The following MARCHF5 variants were observed in gnomAD, a reference collection of about 807,000 sequenced individuals.
MARCHF5 encodes the protein membrane associated ring-CH-type finger 5, also known as E3 ubiquitin-protein ligase MARCHF5.
A neutral mutation model predicts 36.5 loss-of-function variants in MARCHF5; 5 were observed. That is an observed-to-expected ratio of 0.14 (90% CI 0.07 to 0.29). The LOEUF (loss-of-function observed/expected upper bound fraction) is 0.29. Among genes scored for constraint, MARCHF5 ranks in the 10% least tolerant of loss-of-function variants. The pLI is 1.00. For missense variants in MARCHF5, 179 were observed against 336.3 expected (o/e 0.53, Z 3.66); for synonymous variants, 103 against 109.9 (o/e 0.94, Z 0.39).
intron 1 of MARCHF5, among the ~76,000 whole-genome samples, chr10:92,303,641 TAGG>T (rs2135180229): frequency 6.6e-6 from 1 of 152,296 alleles, no homozygotes; most frequent in Admixed American, 6.5e-5. Context: ...CAAGTGGATT[TAGG>T]AGGAGATCTT....
At chr10:92,349,912 A>C in intron 5 of MARCHF5, 75 bp downstream of exon 5, 1 of 1,259,700 alleles carries the variant, frequency 7.9e-7, no homozygotes. Flanking sequence ...AAGGTGGGGA[A>C]CTGTATAAAT....
chr10:92,344,063 T>C (rs1324549974), intron 3 of MARCHF5, among the ~76,000 whole-genome samples: 1 of 152,252 alleles, frequency 6.6e-6, no homozygotes, highest in Non-Finnish European at 1.5e-5. Context: ...CTTAAGACTT[T>C]ATTGACCATA....
chr10:92,303,907 C>T (rs570664024), intron 1 of MARCHF5, among the ~76,000 whole-genome samples: 14 of 152,042 alleles, frequency 9.2e-5, no homozygotes, highest in African/African-American at 3.1e-4. Flanking sequence ...TTCTTTGTTC[C>T]CTGAACCAAT....
At chr10:92,308,385 G>T (rs565437223) in intron 1 of MARCHF5, 2 of 152,312 alleles carry the variant, frequency 1.3e-5, no homozygotes, top group South Asian at 4.1e-4. Flanking sequence ...GTTTTAGCTG[G>T]CTTTACTGCA....
intron 1 of MARCHF5, among the ~76,000 whole-genome samples, chr10:92,293,352 G>C (rs1287053723): frequency 6.6e-6 from 1 of 151,996 alleles, no homozygotes; most frequent in African/African-American, 2.4e-5. Context: ...TGATCCTCCC[G>C]CCTAGCCTCC....
Position 92,353,247 on chromosome 10 carries a change from T to TA in MARCHF5, c.*2041dup, listed in dbSNP as rs1477176693. 1.3e-5 allele frequency: 2 copies of TA among 152,112 alleles called. No homozygotes were observed. The highest frequency in any genetic ancestry group is 2.9e-5 in the Non-Finnish European group (2 of 68,040). The allele number at this position is 152,112 out of a possible 1,614,324, so 9.4% of individuals were successfully genotyped here. On this transcript the variant is annotated 3_prime_UTR_variant, in exon 6 of 6. Coordinates refer to ENST00000358935, the MANE Select transcript of MARCHF5 (RefSeq NM_017824.5). ...GCCTTATTATTATTAGCTCGAGAAA[T>TA]ACCACATGCCAGTCTTCCCAGGAAG... is the stretch of plus-strand genomic sequence containing the variant.
At chr10:92,300,497 CA>C (rs946349700) in intron 1 of MARCHF5, among the ~76,000 whole-genome samples, 194 of 137,680 alleles carry the variant, frequency 1.4e-3, no homozygotes, top group Admixed American at 1.6e-3. Context: ...GACCCTGTCT[CA>C]AAAAAAAAAA....
In MARCHF5 at chr10:92,351,901, CGTG is replaced by C. The variant is rs1843718546; in HGVS notation, c.*695_*697del. 7.1e-6 allele frequency: 1 copy of C among 141,232 alleles called. No homozygotes were observed. The highest frequency in any genetic ancestry group is 7.2e-5 in the Admixed American group (1 of 13,808). The allele number at this position is 141,232 out of a possible 1,614,324, so 8.7% of individuals were successfully genotyped here. A position where few individuals can be genotyped will look rare whatever the true frequency, so the allele number is the denominator to read the frequency against. ...ATGAAGTAATTTTGACTCATGCAGT[CGTG>C]TGTGTGTGTGTGTGTGTGTGTGTGT... On this transcript the variant is annotated 3_prime_UTR_variant, in exon 6 of 6. Coordinates refer to ENST00000358935, the MANE Select transcript of MARCHF5 (RefSeq NM_017824.5).
At position 92,298,165 on chromosome 10, in the gene MARCHF5, G is replaced by GCT. The variant is rs1842969982; in HGVS notation, c.35+6636_35+6637insCT. On this transcript the variant is annotated intron_variant, in intron 1 of 5. Transcript: ENST00000358935. Reference sequence around the variant, plus strand: ...GTGAGCTGAGATCGTGCCACTGCACGATCTCTCTCTCTATATATGTATATG... The same window carrying GCT: ...GTGAGCTGAGATCGTGCCACTGCACGCTATCTCTCTCTCTATATATGTATATG... Among the ~76,000 whole-genome samples the GCT allele has an allele frequency of 4.6e-5, 6 of 130,114 alleles. No individual in the cohort carries two copies. The East Asian group carries it at 1.6e-3, about 35-fold the overall frequency. 85.4% of individuals were successfully genotyped at this position (130,114 alleles called of 152,430 possible). A position where few individuals can be genotyped will look rare whatever the true frequency, so the allele number is the denominator to read the frequency against.
At chr10:92,317,062 A>G (rs1393685101) in intron 2 of MARCHF5, among the ~76,000 whole-genome samples, 2 of 152,096 alleles carry the variant, frequency 1.3e-5, no homozygotes, top group Non-Finnish European at 2.9e-5. Context: ...AGGTAGAGAG[A>G]TCTTGACTCC....
chr10:92,344,035 A>G (rs765872925), intron 3 of MARCHF5, among the ~76,000 whole-genome samples: 1 of 152,206 alleles, frequency 6.6e-6, no homozygotes, highest in Non-Finnish European at 1.5e-5. Context: ...TATTTTGCAA[A>G]TGAGATTGAG....
Position 92,352,857 on chromosome 10 carries a change from A to G in MARCHF5, c.*1650A>G, listed in dbSNP as rs763202856. ...GTTCTGAAGGGGAAATATAACATCT[A>G]TGGTTATATATTTTAAAAACTTAGA... On this transcript the variant is annotated 3_prime_UTR_variant, in exon 6 of 6. Transcript: ENST00000358935. 2 of 152,622 alleles carry G rather than the reference A, an allele frequency of 1.3e-5. No homozygotes were observed. Among genetic ancestry groups the G allele is most frequent in the East Asian group, 1.9e-4 (1 of 5,200 alleles). 9.5% of individuals were successfully genotyped at this position (152,622 alleles called of 1,614,324 possible). A position where few individuals can be genotyped will look rare whatever the true frequency, so the allele number is the denominator to read the frequency against.
At chr10:92,347,935 C>G (rs1253366812) in intron 3 of MARCHF5, among the ~76,000 whole-genome samples, 2 of 152,198 alleles carry the variant, frequency 1.3e-5, no homozygotes, top group Admixed American at 6.5e-5. Flanking sequence ...GTAATCCCAG[C>G]ACTGTCGGAG....
intron 1 of MARCHF5, among the ~76,000 whole-genome samples, chr10:92,306,255 A>G (rs1590648153): frequency 6.6e-6 from 1 of 152,290 alleles, no homozygotes; most frequent in Non-Finnish European, 1.5e-5. Context: ...GAAGAGAGAA[A>G]GTCTGTATAC....
intron 2 of MARCHF5, among the ~76,000 whole-genome samples, chr10:92,335,421 G>C (rs1389438821): frequency 6.6e-6 from 1 of 152,196 alleles, no homozygotes; most frequent in East Asian, 1.9e-4. Context: ...TACCTCCCCT[G>C]GGTGGCAGTT....
chr10:92,318,065 T>A (rs2135192725), intron 2 of MARCHF5, among the ~76,000 whole-genome samples: 1 of 152,258 alleles, frequency 6.6e-6, no homozygotes, highest in South Asian at 2.1e-4. Context: ...GTGAATCATT[T>A]ATTTCATTTT....
At chr10:92,334,089 C>G (rs1349503795) in intron 2 of MARCHF5, among the ~76,000 whole-genome samples, 2 of 152,150 alleles carry the variant, frequency 1.3e-5, no homozygotes, top group Non-Finnish European at 2.9e-5. Context: ...ACTTGGGAGG[C>G]TGAGGTGGGA....
Position 92,314,753 on chromosome 10 carries a change from C to G in MARCHF5, c.238+3416C>G, listed in dbSNP as rs1056517080. 1.9e-4 allele frequency among the ~76,000 whole-genome samples: 24 copies of G among 123,960 alleles called. 2 individuals carry two copies. Among genetic ancestry groups the G allele is most frequent in the South Asian group, 5.5e-4 (2 of 3,656 alleles). 81.3% of individuals were successfully genotyped at this position (123,960 alleles called of 152,430 possible). A position where few individuals can be genotyped will look rare whatever the true frequency, so the allele number is the denominator to read the frequency against. ...TGCTGCTGCTGCTTCCCCCCGCCCC[C>G]CCCCGCCAATAGAGGTTGGGTCTTG... On this transcript the variant is annotated intron_variant, in intron 2 of 5. Transcript: ENST00000358935.
chr10:92,338,087 GC>G (rs1310246906), intron 2 of MARCHF5, among the ~76,000 whole-genome samples: 1 of 151,978 alleles, frequency 6.6e-6, no homozygotes, highest in Non-Finnish European at 1.5e-5. Context: ...CTACTTGGGG[GC>G]TGAGGTGGGA....
Sources: allele counts gnomAD v4.1 joint callset (sites outside exome capture counted in the v4.1 genomes callset), GRCh38; gene constraint gnomAD v4.1.1; transcripts MANE v1.5; gene names NCBI Gene and HGNC (gene_info 2026-07-23, HGNC 2026-07-21).